Variants in UBE2F observed in about 807,000 individuals in gnomAD.
The protein encoded by UBE2F is NEDD8-conjugating enzyme UBE2F.
In UBE2F, 5 loss-of-function variants were observed where a neutral mutation model predicts 29.6. The observed-to-expected ratio is 0.17, with a 90% CI of 0.09 to 0.36. The LOEUF (loss-of-function observed/expected upper bound fraction) is 0.36. Among genes scored for constraint, UBE2F ranks in the 10% least tolerant of loss-of-function variants. The pLI is 1.00. For missense variants in UBE2F, 141 were observed against 228.5 expected (o/e 0.62, Z 2.47); for synonymous variants, 66 against 81.8 (o/e 0.81, Z 1.04).
At chr2:238,020,956 G>T (rs1278616770) in intron 5 of UBE2F, among the ~76,000 whole-genome samples, 1 of 152,202 alleles carries the variant, frequency 6.6e-6, no homozygotes, top group East Asian at 1.9e-4. Flanking sequence ...TCCTCAGGCT[G>T]GTGGGGACGC....
intron 4 of UBE2F, among the ~76,000 whole-genome samples, chr2:238,008,717 T>A (rs978286866): frequency 6.6e-6 from 1 of 152,248 alleles, no homozygotes; most frequent in East Asian, 1.9e-4. Flanking sequence ...CTTTTTCTGA[T>A]GTTTAAGATG....
chr2:238,032,366 G>T (rs964930556), intron 8 of UBE2F, 112 bp downstream of exon 8: 2 of 975,780 alleles, frequency 2.0e-6, no homozygotes, highest in Non-Finnish European at 3.2e-6. Context: ...ATGAAACATG[G>T]ACTGGGCACA....
rs1455597148 is a variant in UBE2F, at chr2:238,042,727, T to C, written c.*1389T>C. 2 of 152,280 alleles carry C rather than the reference T, an allele frequency of 1.3e-5. No homozygotes were observed. The highest frequency in any genetic ancestry group is 1.3e-4 in the Admixed American group (2 of 15,286). The allele number at this position is 152,280 out of a possible 1,614,324, so 9.4% of individuals were successfully genotyped here. On this transcript the variant is annotated 3_prime_UTR_variant, in exon 10 of 10. Coordinates refer to ENST00000272930, the MANE Select transcript of UBE2F (RefSeq NM_080678.3). ...AATCTCTGATTGTGAGATCAGTCTGTCACGGAGACCCAGCAGGTGAGGAAT... is the reference window on the plus strand; with the variant it reads ...AATCTCTGATTGTGAGATCAGTCTGCCACGGAGACCCAGCAGGTGAGGAAT...
intron 5 of UBE2F, among the ~76,000 whole-genome samples, chr2:238,019,170 G>GT (rs1202971191): frequency 6.6e-6 from 1 of 152,082 alleles, no homozygotes; most frequent in African/African-American, 2.4e-5. Context: ...CTTTAGCTCT[G>GT]TAACGATGAT....
At chr2:238,013,225 C>G (rs2064080678) in intron 4 of UBE2F, among the ~76,000 whole-genome samples, 1 of 151,824 alleles carries the variant, frequency 6.6e-6, no homozygotes, top group South Asian at 2.1e-4. Context: ...AGCTGTGCAC[C>G]CCAGCCTGAG....
chr2:238,031,246 T>C lies in UBE2F; in HGVS notation c.411+633T>C, dbSNP rs142294200. ...CTCAGAACTTTCCCTCTGCAGGTCG[T>C]GCCTCTACCTGGAAGGCGGCCCTCT... On this transcript the variant is annotated intron_variant, in intron 7 of 9. Transcript: ENST00000272930. Among the ~76,000 whole-genome samples, 29 of 152,372 alleles carry C rather than the reference T, an allele frequency of 1.9e-4. No individual in the cohort carries two copies. The East Asian group carries it at 5.4e-3, about 28-fold the overall frequency.
At chr2:238,001,878 A>G (rs1329291877) in intron 4 of UBE2F, among the ~76,000 whole-genome samples, 2 of 152,154 alleles carry the variant, frequency 1.3e-5, no homozygotes, top group Non-Finnish European at 2.9e-5. Context: ...TAGATTATTG[A>G]TGTTTTCTTA....
At chr2:237,994,087 C>T (rs573128432) in intron 3 of UBE2F, among the ~76,000 whole-genome samples, 1 of 149,994 alleles carries the variant, frequency 6.7e-6, no homozygotes, top group East Asian at 2.0e-4. Flanking sequence ...GTCCTGGGCG[C>T]ACTCTTCTTC....
intron 2 of UBE2F, among the ~76,000 whole-genome samples, chr2:237,978,534 G>T (rs563387643): frequency 6.6e-6 from 1 of 152,214 alleles, no homozygotes; most frequent in African/African-American, 2.4e-5. Context: ...GCCTGCTTTG[G>T]AGTGGCCGGC....
rs1217383044 is a variant in UBE2F at position 238,034,541 on chromosome 2, A to G, written c.445-1337A>G. On this transcript the variant is annotated intron_variant, in intron 8 of 9. Transcript: ENST00000272930. ...ATCAAAATTGCTAATTAAGTCTGTA[A>G]TGGTTATTCTGATCAACTCATTTAT... Among the ~76,000 whole-genome samples the G allele has an allele frequency of 2.0e-5, 3 of 152,312 alleles. No homozygotes were observed. In the East Asian group the frequency reaches 5.8e-4, roughly 29 times the overall value.
intron 1 of UBE2F, among the ~76,000 whole-genome samples, chr2:237,971,555 C>T (rs1255998318): frequency 1.3e-5 from 2 of 152,124 alleles, no homozygotes; most frequent in African/African-American, 4.8e-5. Context: ...GTCTCCTGGC[C>T]TCATAATCCA....
intron 5 of UBE2F, among the ~76,000 whole-genome samples, chr2:238,020,069 G>C (rs1413557279): frequency 6.6e-6 from 1 of 152,148 alleles, no homozygotes; most frequent in Non-Finnish European, 1.5e-5. Flanking sequence ...GCGTCTCCAG[G>C]GGATCATTAG....
chr2:238,033,849 G>T (rs567166711), intron 8 of UBE2F, among the ~76,000 whole-genome samples: 1 of 152,212 alleles, frequency 6.6e-6, no homozygotes, highest in Non-Finnish European at 1.5e-5. Context: ...TCATTGAAGT[G>T]AATGAAGTTT....
chr2:238,035,988 A>G, intron 9 of UBE2F, 48 bp downstream of exon 9: 1 of 1,469,444 alleles, frequency 6.8e-7, no homozygotes, highest in Non-Finnish European at 9.5e-7. Context: ...TGTCACGAAC[A>G]CGATTACTAC....
At chr2:238,004,532 A>AGACCTTTTAAG (rs2063862339) in intron 4 of UBE2F, among the ~76,000 whole-genome samples, 1 of 152,156 alleles carries the variant, frequency 6.6e-6, no homozygotes, top group Admixed American at 6.6e-5. Flanking sequence ...GACCTTTTAA[A>AGACCTTTTAAG]GACCATGTAT....
intron 7 of UBE2F, 41 bp from the exon 8 acceptor site, chr2:238,032,181 T>G: frequency 6.3e-7 from 1 of 1,580,690 alleles, no homozygotes; most frequent in Non-Finnish European, 8.7e-7. Flanking sequence ...CTAGGTGCAC[T>G]TTGGCTTAAA....
rs1228575112 is a variant in UBE2F at position 237,982,776 on chromosome 2, TCACCTGTGTAGGTCA to T, written c.119-5178_119-5164del. Among the ~76,000 whole-genome samples, 1 of 152,236 alleles carries T rather than the reference TCACCTGTGTAGGTCA, an allele frequency of 6.6e-6. No homozygotes were observed. The highest frequency in any genetic ancestry group is 1.5e-5 in the Non-Finnish European group (1 of 68,040). Reference sequence around the variant, plus strand: ...TCATTATGAACAACTCATTTGCTCTTCACCTGTGTAGGTCACACCTGTGAGATGTGACCAGTGTTG... The same window carrying T: ...TCATTATGAACAACTCATTTGCTCTTCACCTGTGAGATGTGACCAGTGTTG... On this transcript the variant is annotated intron_variant, in intron 2 of 9. Coordinates refer to ENST00000272930, the MANE Select transcript of UBE2F (RefSeq NM_080678.3). The surrounding 1 kb of genome is among the most constrained non-coding windows in gnomAD (Gnocchi z 4.1).
At chr2:237,974,135 G>A (rs1186983130) in intron 2 of UBE2F, among the ~76,000 whole-genome samples, 1 of 149,936 alleles carries the variant, frequency 6.7e-6, no homozygotes, top group African/African-American at 2.5e-5. Context: ...CGGAGATTAC[G>A]GGCACCCGCC....
In UBE2F at chr2:237,967,413, G is replaced by A. The variant is rs921131747; in HGVS notation, c.-17+281G>A. Reference sequence around the variant, plus strand: ...GCAGTGAGTGACCGCGGCGGCGGCGGCGGGGGACGGCCCGCGCCGAGCACC... The same window carrying A: ...GCAGTGAGTGACCGCGGCGGCGGCGACGGGGGACGGCCCGCGCCGAGCACC... On this transcript the variant is annotated intron_variant, in intron 1 of 9. Coordinates refer to ENST00000272930, the MANE Select transcript of UBE2F (RefSeq NM_080678.3). This position sits in a 1 kb window ranked among gnomAD's most constrained non-coding sequence, Gnocchi z 6.3. 5.3e-5 allele frequency among the ~76,000 whole-genome samples: 8 copies of A among 151,296 alleles called. No individual in the cohort carries two copies. The highest frequency in any genetic ancestry group is 1.0e-4 in the Non-Finnish European group (7 of 67,740).
Sources: gnomAD v4.1 joint callset for allele counts (sites outside exome capture counted in the v4.1 genomes callset) on GRCh38, gnomAD v4.1.1 for gene constraint, Gnocchi (gnomAD v3.1) non-coding constraint, MANE v1.5 for transcripts, NCBI Gene and HGNC (gene_info 2026-07-23, HGNC 2026-07-21) for gene names.